The following FOXJ3 variants were observed in gnomAD, a reference collection of about 807,000 sequenced individuals.
FOXJ3 encodes the protein forkhead box protein J3.
Under a neutral mutation model 76.1 loss-of-function variants are expected in FOXJ3, and 22 were observed. The ratio of observed to expected loss-of-function variants is 0.29; its 90% CI spans 0.21 to 0.41. FOXJ3 has a LOEUF of 0.41. Ranked by LOEUF, FOXJ3 falls within the 10% of genes least tolerant of loss-of-function variation. FOXJ3 has a pLI of 1.00. For missense variants in FOXJ3, 613 were observed against 762.1 expected (o/e 0.80, Z 2.30); for synonymous variants, 269 against 261.2 (o/e 1.03, Z -0.29).
At chr1:42,329,580 A>C (rs1329191091) in intron 1 of FOXJ3, among the ~76,000 whole-genome samples, 1 of 152,204 alleles carries the variant, frequency 6.6e-6, no homozygotes, top group Non-Finnish European at 1.5e-5. Flanking sequence ...GGTAAAAGTG[A>C]GCTTTAGCTG....
intron 5 of FOXJ3, among the ~76,000 whole-genome samples, chr1:42,209,941 C>T (rs2124350907): frequency 6.6e-6 from 1 of 152,292 alleles, no homozygotes; most frequent in East Asian, 1.9e-4. Flanking sequence ...GCTTTGCAGG[C>T]AGACCTGGAG....
At chr1:42,208,768 C>T (rs1192512531) in intron 5 of FOXJ3, among the ~76,000 whole-genome samples, 1 of 152,186 alleles carries the variant, frequency 6.6e-6, no homozygotes, top group Non-Finnish European at 1.5e-5. Flanking sequence ...CCATCATAAA[C>T]TGAAACTACC....
At chr1:42,227,096 A>C (rs541818523) in intron 5 of FOXJ3, among the ~76,000 whole-genome samples, 3 of 152,384 alleles carry the variant, frequency 2.0e-5, no homozygotes, top group East Asian at 3.9e-4. Flanking sequence ...AAATATAAAA[A>C]CAAATAATTT....
chr1:42,204,435 A>T (rs975568598), intron 6 of FOXJ3, among the ~76,000 whole-genome samples: 2 of 152,138 alleles, frequency 1.3e-5, no homozygotes, highest in African/African-American at 4.8e-5. Context: ...TTATTTGGTC[A>T]TAAAGTCCCA....
intron 11 of FOXJ3, among the ~76,000 whole-genome samples, chr1:42,183,886 G>A (rs1231792456): frequency 1.3e-5 from 2 of 152,056 alleles, no homozygotes; most frequent in African/African-American, 4.8e-5. Flanking sequence ...AAATGAGACA[G>A]AACCAGGACC....
At chr1:42,316,704 T>C (rs892303254) in intron 1 of FOXJ3, among the ~76,000 whole-genome samples, 7 of 152,152 alleles carry the variant, frequency 4.6e-5, no homozygotes, top group Non-Finnish European at 8.8e-5. Flanking sequence ...GACAGTAGCT[T>C]GAGTGAAAGC....
rs1646237750 is a variant in FOXJ3, at chr1:42,177,592, CCT to C, written c.*2116_*2117del. ...CGCAAGTTGGCTGCCTTTCCAGAAT[CCT>C]CTGATTTTCGTTGATCCAAGGGGCT... On this transcript the variant is annotated 3_prime_UTR_variant, in exon 13 of 13. Transcript: ENST00000361346. 6.6e-6 allele frequency: 1 copy of C among 152,430 alleles called. No homozygotes were observed. The allele number at this position is 152,430 out of a possible 1,614,324, so 9.4% of individuals were successfully genotyped here.
intron 2 of FOXJ3, among the ~76,000 whole-genome samples, chr1:42,287,088 C>T (rs899525763): frequency 2.6e-5 from 4 of 151,926 alleles, no homozygotes; most frequent in African/African-American, 9.7e-5. Flanking sequence ...CACCTGTAAT[C>T]CCAACACTTT....
chr1:42,195,654 C>T (rs1356388137), intron 7 of FOXJ3, among the ~76,000 whole-genome samples: 3 of 152,162 alleles, frequency 2.0e-5, no homozygotes, highest in Non-Finnish European at 4.4e-5. Context: ...TTAAAGACTA[C>T]GTACTACATG....
chr1:42,233,163 TG>T (rs1237471154), intron 4 of FOXJ3, among the ~76,000 whole-genome samples: 1 of 84,866 alleles, frequency 1.2e-5, no homozygotes, highest in Non-Finnish European at 2.6e-5. Flanking sequence ...ATCTCTGTTT[TG>T]GTACCAGTAC....
chr1:42,272,967 GCT>G (rs374250718), intron 3 of FOXJ3, among the ~76,000 whole-genome samples: 136 of 152,208 alleles, frequency 8.9e-4, no homozygotes, highest in African/African-American at 3.2e-3. Flanking sequence ...TCAAAACACA[GCT>G]CAAGTCCCAC....
chr1:42,283,418 G>C (rs774418802), intron 2 of FOXJ3, among the ~76,000 whole-genome samples: 75 of 152,242 alleles, frequency 4.9e-4, no homozygotes, highest in Non-Finnish European at 9.1e-4. Flanking sequence ...ATGCTTTTTA[G>C]CTACTTTAGT....
Position 42,188,723 on chromosome 1 carries a change from A to G in FOXJ3, c.1645+14T>C. The G allele has an allele frequency of 6.8e-7, 1 of 1,462,274 alleles. No individual in the cohort carries two copies. The highest frequency in any genetic ancestry group is 9.1e-7 in the Non-Finnish European group (1 of 1,095,004). 90.6% of individuals were successfully genotyped at this position (1,462,274 alleles called of 1,614,324 possible). On this transcript the variant is annotated intron_variant, in intron 11 of 12. Transcript: ENST00000361346. ...AGAAAATGAGAAAAATCAAGAAGAT[A>G]ACTAACCCCATACCTGTTCCAATGT... is the stretch of plus-strand genomic sequence containing the variant.
chr1:42,212,414 C>T (rs545755328), intron 5 of FOXJ3, among the ~76,000 whole-genome samples: 1 of 151,944 alleles, frequency 6.6e-6, no homozygotes, highest in African/African-American at 2.4e-5. Context: ...AAATAAAAGA[C>T]CTATTTAGAG....
intron 4 of FOXJ3, among the ~76,000 whole-genome samples, chr1:42,261,484 T>C (rs1350792759): frequency 1.3e-5 from 2 of 152,078 alleles, no homozygotes; most frequent in Non-Finnish European, 2.9e-5. Context: ...AGACCACCAA[T>C]GTACATAAAG....
chr1:42,260,970 T>G (rs973737712), intron 4 of FOXJ3, among the ~76,000 whole-genome samples: 1 of 152,202 alleles, frequency 6.6e-6, no homozygotes, highest in African/African-American at 2.4e-5. Context: ...TAGATAACTG[T>G]TGAAACTAAG....
At chr1:42,221,170 A>G (rs559853939) in intron 5 of FOXJ3, among the ~76,000 whole-genome samples, 1 of 152,222 alleles carries the variant, frequency 6.6e-6, no homozygotes, top group Non-Finnish European at 1.5e-5. Context: ...TGTAGTCTCT[A>G]GAAAAGGTGT....
At chr1:42,196,732 A>T (rs1646658725) in intron 7 of FOXJ3, among the ~76,000 whole-genome samples, 1 of 152,198 alleles carries the variant, frequency 6.6e-6, no homozygotes, top group Non-Finnish European at 1.5e-5. Flanking sequence ...TCTAGCTTTA[A>T]ACACGGCAGT....
intron 8 of FOXJ3, among the ~76,000 whole-genome samples, chr1:42,194,493 T>A (rs961172744): frequency 6.6e-6 from 1 of 152,260 alleles, no homozygotes; most frequent in Non-Finnish European, 1.5e-5. Flanking sequence ...CCGATAGTTA[T>A]CTCTTTTTGC....
Sources: gnomAD v4.1 joint callset for allele counts (sites outside exome capture counted in the v4.1 genomes callset) on GRCh38, gnomAD v4.1.1 for gene constraint, MANE v1.5 for transcripts, NCBI Gene and HGNC (gene_info 2026-07-23, HGNC 2026-07-21) for gene names.